Variants in IBTK observed in about 807,000 individuals in gnomAD.
IBTK encodes BTK-binding protein.
Under a neutral mutation model 154.9 loss-of-function variants are expected in IBTK, and 83 were observed. The observed-to-expected ratio is 0.54, with a 90% CI of 0.45 to 0.64. IBTK has a LOEUF of 0.64. Ranked by LOEUF, IBTK falls within the 30% of genes least tolerant of loss-of-function variation. The probability of loss-of-function intolerance (pLI) is 0.00; values close to 1 mark genes in which losing one functional copy is unlikely to be tolerated. For synonymous variants in IBTK, 515 were observed against 536.1 expected (o/e 0.96, Z 0.54); for missense variants, 1,332 against 1,584.6 (o/e 0.84, Z 2.71).
intron 2 of IBTK, among the ~76,000 whole-genome samples, chr6:82,235,215 A>G (rs1166039206): frequency 1.3e-5 from 2 of 152,146 alleles, no homozygotes; most frequent in Non-Finnish European, 2.9e-5. Context: ...CCCCATAAAT[A>G]CACTGTCCCT....
intron 25 of IBTK, among the ~76,000 whole-genome samples, chr6:82,185,487 A>C (rs990199398): frequency 1.3e-5 from 2 of 151,224 alleles, no homozygotes; most frequent in Non-Finnish European, 2.9e-5. Context: ...CCAGGAGGTC[A>C]AGGATGCAGT....
chr6:82,235,670 C>G (rs1407170508), intron 2 of IBTK, among the ~76,000 whole-genome samples: 3 of 152,106 alleles, frequency 2.0e-5, no homozygotes, highest in Non-Finnish European at 2.9e-5. Flanking sequence ...TATACTTACT[C>G]TATTTTAGTT....
intron 16 of IBTK, among the ~76,000 whole-genome samples, chr6:82,209,459 T>C (rs1249882126): frequency 1.3e-5 from 2 of 152,184 alleles, no homozygotes; most frequent in Non-Finnish European, 2.9e-5. Flanking sequence ...ATAAGTTAAA[T>C]ATAAAAGGTC....
chr6:82,247,507 C>G (rs1031445535), intron 1 of IBTK, 55 bp downstream of exon 1: 7 of 398,664 alleles, frequency 1.8e-5, no homozygotes, highest in Non-Finnish European at 3.1e-5. Context: ...CCCCCTGCCC[C>G]CGGGCTGAAG....
chr6:82,240,745 T>A lies in IBTK; in HGVS notation c.-259A>T, dbSNP rs896586604. The A allele has an allele frequency of 6.3e-6, 3 of 474,308 alleles. No individual in the cohort carries two copies. The highest frequency in any genetic ancestry group is 6.0e-5 in the African/African-American group (3 of 49,898). 29.4% of individuals were successfully genotyped at this position (474,308 alleles called of 1,614,324 possible). A position where few individuals can be genotyped will look rare whatever the true frequency, so the allele number is the denominator to read the frequency against. ...TCATTTAAAAAAATTCCACAGTTTA[T>A]AAATTATTCCTGGAGTCAAGCACCA... is the stretch of plus-strand genomic sequence containing the variant. On this transcript the variant is annotated 5_prime_UTR_variant, in exon 2 of 29. Coordinates refer to ENST00000306270, the MANE Select transcript of IBTK (RefSeq NM_015525.4).
chr6:82,228,793 TTA>T (rs1770391335), intron 4 of IBTK, among the ~76,000 whole-genome samples: 1 of 151,968 alleles, frequency 6.6e-6, no homozygotes, highest in Non-Finnish European at 1.5e-5. Flanking sequence ...GGCTAATTTT[TTA>T]TATTTTTGGT....
chr6:82,224,525 C>T (rs1482315207), intron 6 of IBTK, among the ~76,000 whole-genome samples: 1 of 152,222 alleles, frequency 6.6e-6, no homozygotes, highest in Non-Finnish European at 1.5e-5. Flanking sequence ...AAACACAGTG[C>T]TTCTAAATTA....
chr6:82,175,234 T>C (rs1408379566), intron 26 of IBTK, among the ~76,000 whole-genome samples: 1 of 152,156 alleles, frequency 6.6e-6, no homozygotes. Flanking sequence ...AGCAGAGGTT[T>C]TTAGGTTCTT....
At chr6:82,178,885 A>G (rs965469530) in intron 26 of IBTK, among the ~76,000 whole-genome samples, 3 of 152,260 alleles carry the variant, frequency 2.0e-5, no homozygotes, top group Admixed American at 2.0e-4. Context: ...GAGAAGGCCA[A>G]GATGACTAGA....
chr6:82,227,751 C>CA (rs1770347498), intron 4 of IBTK, among the ~76,000 whole-genome samples: 2 of 151,918 alleles, frequency 1.3e-5, no homozygotes, highest in Admixed American at 1.3e-4. Context: ...TTTCAAAAAA[C>CA]AATAAAGCCA....
At chr6:82,214,178 AAGG>A (rs1769769791) in intron 12 of IBTK, 46 bp downstream of exon 12, 20 of 1,519,282 alleles carry the variant, frequency 1.3e-5, no homozygotes, top group Non-Finnish European at 1.8e-5. Flanking sequence ...AAATTTTTTA[AAGG>A]AGGACTGAAT....
intron 27 of IBTK, chr6:82,173,150 C>T (rs530561826): frequency 1.9e-5 from 7 of 360,008 alleles, no homozygotes; most frequent in East Asian, 1.3e-4. Flanking sequence ...CACAGGCATG[C>T]GCCACCATGC....
In IBTK at chr6:82,228,645, G is replaced by A. The variant is rs370295746; in HGVS notation, c.544-1343C>T. ...CAGACTTTTTTTTTTTTTTTGAGAC[G>A]GAGTCTCGCTCTGTCACCCAGGCTG... is the stretch of plus-strand genomic sequence containing the variant. On this transcript the variant is annotated intron_variant, in intron 4 of 28. Coordinates refer to ENST00000306270, the MANE Select transcript of IBTK (RefSeq NM_015525.4). Among the ~76,000 whole-genome samples, 8 of 148,484 alleles carry A rather than the reference G, an allele frequency of 5.4e-5. No homozygotes were observed. In the East Asian group the frequency reaches 9.8e-4, roughly 18 times the overall value.
At chr6:82,206,518 G>T (rs1359292451) in intron 16 of IBTK, among the ~76,000 whole-genome samples, 1 of 152,126 alleles carries the variant, frequency 6.6e-6, no homozygotes, top group Non-Finnish European at 1.5e-5. Context: ...TACAATTGAT[G>T]AATTAATACA....
intron 10 of IBTK, 124 bp downstream of exon 10, chr6:82,217,836 A>G (rs1212794938): frequency 1.7e-6 from 1 of 602,808 alleles, no homozygotes; most frequent in Non-Finnish European, 2.6e-6. Flanking sequence ...GCATTAAAAA[A>G]CTAATCACAA....
At chr6:82,220,291 AT>A (rs1465302939) in intron 9 of IBTK, among the ~76,000 whole-genome samples, 1 of 152,214 alleles carries the variant, frequency 6.6e-6, no homozygotes, top group Non-Finnish European at 1.5e-5. Context: ...TATTCAGTGT[AT>A]ACACCAAATA....
chr6:82,206,084 AG>A (rs1769401406), intron 16 of IBTK, among the ~76,000 whole-genome samples: 1 of 152,184 alleles, frequency 6.6e-6, no homozygotes, highest in African/African-American at 2.4e-5. Context: ...ATAATAATCT[AG>A]GAAGTGTTTA....
chr6:82,210,220 T>C (rs565329491), intron 16 of IBTK: 13 of 152,244 alleles, frequency 8.5e-5, no homozygotes, highest in South Asian at 4.1e-4. Flanking sequence ...AAAGAACTTA[T>C]GTAAGTATTT....
chr6:82,186,913 C>CTT (rs138781864), intron 25 of IBTK, among the ~76,000 whole-genome samples: 130 of 103,634 alleles, frequency 1.3e-3, no homozygotes, highest in African/African-American at 1.6e-3. Flanking sequence ...TTATCAAATT[C>CTT]TTTTTTTTTT....
Sources: gnomAD v4.1 joint callset for allele counts (sites outside exome capture counted in the v4.1 genomes callset) on GRCh38, gnomAD v4.1.1 for gene constraint, MANE v1.5 for transcripts, NCBI Gene and HGNC (gene_info 2026-07-23, HGNC 2026-07-21) for gene names.